Variants in HGFAC observed in about 807,000 individuals in gnomAD.
The protein encoded by HGFAC is HGF activator.
Under a neutral mutation model 70.6 loss-of-function variants are expected in HGFAC, and 76 were observed. That is an observed-to-expected ratio of 1.08 (90% CI 0.89 to 1.30). HGFAC has a LOEUF of 1.30. Among genes scored for constraint, HGFAC ranks in the 50% most tolerant of loss-of-function variants. HGFAC has a pLI of 0.00. For synonymous variants in HGFAC, 464 were observed against 405.3 expected (o/e 1.14, Z -1.74); for missense variants, 1,044 against 933.7 (o/e 1.12, Z -1.54).
At position 3,449,311 on chromosome 4, in the gene HGFAC, C is replaced by T. The variant is rs375003774; in HGVS notation, c.1860C>T (p.Asp620=). ...AYLYGIISWG[D]GCGRLHKPGV... ...TCTACGGCATCATCAGCTGGGGTGA[C>T]GGCTGCGGGCGGCTCCACAAGCCGG... The change falls in exon 14 of 14, where the codon GAC becomes GAT. Residue 620 remains aspartate, a synonymous_variant. Coordinates refer to ENST00000382774, the MANE Select transcript of HGFAC (RefSeq NM_001528.4). 160 of 1,612,270 alleles carry T rather than the reference C, an allele frequency of 9.9e-5. No individual in the cohort carries two copies. The East Asian group carries it at 1.2e-3, about 12-fold the overall frequency.
chr4:3,443,321 A>G lies in HGFAC; in HGVS notation c.396-20A>G. On this transcript the variant is annotated intron_variant, in intron 3 of 13. Coordinates refer to ENST00000382774, the MANE Select transcript of HGFAC (RefSeq NM_001528.4). ...GGGCCTCTGCCTGGGACCCCCATGC[A>G]CGCAGGTGTCGCCCCCCAGGTGTGC... 1 of 1,539,536 alleles carries G rather than the reference A, an allele frequency of 6.5e-7. No individual in the cohort carries two copies. Among genetic ancestry groups the G allele is most frequent in the Non-Finnish European group, 8.8e-7 (1 of 1,140,978 alleles).
Position 3,445,337 on chromosome 4 carries a change from C to T in HGFAC, c.1089C>T (p.Arg363=), listed in dbSNP as rs755056601. The part of the protein sequence containing the change: ...KDSALSWEYC[R]LEACESLTRV... ...GCGCGCTCTCCTGGGAGTACTGCCG[C>T]CTGGAGGCCTGCGGTGCGCGGCTGG... is the stretch of plus-strand genomic sequence containing the variant. Residue 363 remains arginine (R), a synonymous_variant, in exon 9 of 14, where the codon CGC becomes CGT. Transcript: ENST00000382774. 6.3e-7 allele frequency: 1 copy of T among 1,578,298 alleles called. No homozygotes were observed. Among genetic ancestry groups the T allele is most frequent in the Non-Finnish European group, 8.6e-7 (1 of 1,163,032 alleles).
chr4:3,445,249 C>T lies in HGFAC; in HGVS notation c.1017-16C>T, dbSNP rs780289316. On this transcript the variant is annotated splice_polypyrimidine_tract_variant and intron_variant, in intron 8 of 13. Coordinates refer to ENST00000382774, the MANE Select transcript of HGFAC (RefSeq NM_001528.4). The stretch of plus-strand genomic sequence containing the variant: ...GGCAGTGTGACTCCCTGCCAGCCCC[C>T]ACTTATGCACCGCAGGAATCCGGAC... The T allele has an allele frequency of 1.3e-6, 2 of 1,555,492 alleles. No homozygotes were observed. The highest frequency in any genetic ancestry group is 1.9e-5 in the Admixed American group (1 of 52,716).
At position 3,446,174 on chromosome 4, in the gene HGFAC, C is replaced by G. The variant is rs774402802; in HGVS notation, c.1235C>G (p.Ser412Cys). ...TFLRPRIIGG[S>C]SSLPGSHPWL... ...CTGCGGCCACGTATCATCGGCGGCT[C>G]CTCCTCGCTGCCCGGCTCGCACCCC... The change falls in exon 10 of 14, where the codon TCC becomes TGC. Residue 412 changes from serine (S) to cysteine (C), a missense_variant. By Grantham distance (112) the Ser-to-Cys change is moderately radical. Transcript: ENST00000382774. 1.2e-6 allele frequency: 2 copies of G among 1,610,784 alleles called. No individual in the cohort carries two copies. Among genetic ancestry groups the G allele is most frequent in the African/African-American group, 2.7e-5 (2 of 74,888 alleles).
Position 3,446,538 on chromosome 4 carries a change from C to T in HGFAC, c.1355+244C>T, listed in dbSNP as rs531809051. On this transcript the variant is annotated intron_variant, in intron 10 of 13. Coordinates refer to ENST00000382774, the MANE Select transcript of HGFAC (RefSeq NM_001528.4). ...AGGCCAGGGGTCAGTGGCATTTCCACAGAGGACCCAGCGCCTGCGGAGAGT... is the reference window on the plus strand; with the variant it reads ...AGGCCAGGGGTCAGTGGCATTTCCATAGAGGACCCAGCGCCTGCGGAGAGT... Among the ~76,000 whole-genome samples, 12 of 152,264 alleles carry T rather than the reference C, an allele frequency of 7.9e-5. 1 individual carries two copies. Among genetic ancestry groups the T allele is most frequent in the Middle Eastern group, 6.8e-3 (2 of 294 alleles).
In HGFAC at chr4:3,444,943, C is replaced by A; in HGVS notation, c.966C>A (p.Asp322Glu). The A allele has an allele frequency of 6.2e-7, 1 of 1,608,796 alleles. No homozygotes were observed. ...SDLLYQELHVDSVGAAALLGL... is the reference protein window; with the variant it reads ...SDLLYQELHVESVGAAALLGL... ...TGCTCTACCAGGAGCTGCACGTGGACTCCGTGGGCGCCGCGGCCCTGCTGG... is the reference window on the plus strand; with the variant it reads ...TGCTCTACCAGGAGCTGCACGTGGAATCCGTGGGCGCCGCGGCCCTGCTGG... The change falls in exon 8 of 14, where the codon GAC (aspartate) becomes GAA (glutamate). Residue 322 changes from aspartate (D) to glutamate (E), a missense_variant. Coordinates refer to ENST00000382774, the MANE Select transcript of HGFAC (RefSeq NM_001528.4).
chr4:3,443,004 G>T, intron 2 of HGFAC, 46 bp from the exon 3 acceptor site: 1 of 1,529,536 alleles, frequency 6.5e-7, no homozygotes, highest in Non-Finnish European at 8.9e-7. Flanking sequence ...TGAGGGGCTC[G>T]GGTGCCCCTC....
rs1375914938 is a variant in HGFAC at position 3,447,572 on chromosome 4, T to A, written c.1436T>A (p.Ile479Asn). The change falls in exon 11 of 14, where the codon ATC becomes AAC. Residue 479 changes from isoleucine (I) to asparagine (N), a missense_variant. By Grantham distance (149) the Ile-to-Asn change is moderately radical. Coordinates refer to ENST00000382774, the MANE Select transcript of HGFAC (RefSeq NM_001528.4). ...ACGGACGTGACGCAGACCTTCGGCA[T>A]CGAGAAGTACATCCCGTACACCCTG... ...RTTDVTQTFG[I>N]EKYIPYTLYS... 6.2e-7 allele frequency: 1 copy of A among 1,612,670 alleles called. No individual in the cohort carries two copies. Among genetic ancestry groups the A allele is most frequent in the Non-Finnish European group, 8.5e-7 (1 of 1,179,908 alleles).
In HGFAC at chr4:3,442,774, G is replaced by A; in HGVS notation, c.160G>A (p.Ala54Thr). 6.5e-7 allele frequency: 1 copy of A among 1,538,118 alleles called. No homozygotes were observed. Among genetic ancestry groups the A allele is most frequent in the Non-Finnish European group, 8.7e-7 (1 of 1,144,566 alleles). Residue 54 changes from alanine to threonine, a missense_variant, in exon 2 of 14, where the codon GCG (alanine) becomes ACG (threonine). Ala to Thr is a moderately conservative substitution (Grantham distance 58, BLOSUM62 0). Coordinates refer to ENST00000382774, the MANE Select transcript of HGFAC (RefSeq NM_001528.4). ...AGAACCTAATGCCACAGCGACCCCTGCGATCCCCACTATCCTGGTGACCTC... is the reference window on the plus strand; with the variant it reads ...AGAACCTAATGCCACAGCGACCCCTACGATCCCCACTATCCTGGTGACCTC... ...SPEPNATATP[A>T]IPTILVTSVT...
intron 9 of HGFAC, chr4:3,445,811 C>A: frequency 6.9e-7 from 1 of 1,453,992 alleles, no homozygotes. Context: ...ACAAAGGCCT[C>A]CGTGTGTCCA....
At chr4:3,444,240 GAGT>G in intron 5 of HGFAC, 68 bp from the exon 6 acceptor site, 2 of 1,564,122 alleles carry the variant, frequency 1.3e-6, no homozygotes, top group Non-Finnish European at 8.7e-7. Flanking sequence ...GGTGGCTCCC[GAGT>G]GCAGGGCAGG....
At chr4:3,443,197 G>A (rs1725373554) in intron 3 of HGFAC, 51 bp downstream of exon 3, 3 of 1,375,014 alleles carry the variant, frequency 2.2e-6, no homozygotes, top group Non-Finnish European at 2.9e-6. Context: ...GCCCCACGCT[G>A]CCTGCTTTTC....
intron 13 of HGFAC, 57 bp from the exon 14 acceptor site, chr4:3,449,180 G>A (rs546747367): frequency 2.3e-5 from 35 of 1,508,960 alleles, no homozygotes; most frequent in African/African-American, 1.7e-4. Flanking sequence ...TTGGGGGAGA[G>A]GGGGGTCCCT....
At chr4:3,448,297 C>A in intron 13 of HGFAC, 21 bp downstream of exon 13, 1 of 1,601,852 alleles carries the variant, frequency 6.2e-7, no homozygotes, top group South Asian at 1.1e-5. Flanking sequence ...GCCCGCCCCA[C>A]CAGGACCCGA....
chr4:3,441,767 T>C (rs1380660395), upstream of HGFAC: 5 of 452,166 alleles, frequency 1.1e-5, no homozygotes, highest in East Asian at 1.8e-4. This position sits in a 1 kb window ranked among gnomAD's most constrained non-coding sequence, Gnocchi z 6.0. Context: ...CCATGTCAGG[T>C]CTAGGACTAG....
At chr4:3,443,545 G>C in intron 4 of HGFAC, 125 bp downstream of exon 4, 2 of 565,766 alleles carry the variant, frequency 3.5e-6, no homozygotes, top group Non-Finnish European at 5.8e-6. Flanking sequence ...GAGGAGCTCT[G>C]GGATTAACCC....
At chr4:3,441,129 T>C (rs1187317452), upstream of HGFAC, among the ~76,000 whole-genome samples, 1 of 152,166 alleles carries the variant, frequency 6.6e-6, no homozygotes, top group Non-Finnish European at 1.5e-5. This position sits in a 1 kb window ranked among gnomAD's most constrained non-coding sequence, Gnocchi z 6.0. Flanking sequence ...CAGGCAGCTC[T>C]GCCCACAGCC....
chr4:3,442,080 C>T lies in HGFAC; in HGVS notation c.79C>T (p.Leu27=). 2 of 1,558,984 alleles carry T rather than the reference C, an allele frequency of 1.3e-6. No individual in the cohort carries two copies. The highest frequency in any genetic ancestry group is 8.6e-7 in the Non-Finnish European group (1 of 1,164,502). ...GPFLLLLLLL[L]LLPRGFQPQP... ...CTTCCTCCTCCTCCTCCTGCTGCTG[C>T]TGCTGCTGCCACGGGGGTTCCAGCC... The change falls in exon 1 of 14, where the codon CTG becomes TTG. Residue 27 remains leucine, a synonymous_variant. Transcript: ENST00000382774.
upstream of HGFAC, among the ~76,000 whole-genome samples, chr4:3,441,178 C>T (rs990228048): frequency 6.6e-6 from 1 of 152,216 alleles, no homozygotes; most frequent in African/African-American, 2.4e-5. This position sits in a 1 kb window ranked among gnomAD's most constrained non-coding sequence, Gnocchi z 6.0. Context: ...CCATCCCAGG[C>T]CCCAGGGTAC....
Sources: gnomAD v4.1 joint callset for allele counts (sites outside exome capture counted in the v4.1 genomes callset) on GRCh38, gnomAD v4.1.1 for gene constraint, Gnocchi (gnomAD v3.1) non-coding constraint, MANE v1.5 for transcripts, NCBI Gene and HGNC (gene_info 2026-07-23, HGNC 2026-07-21) for gene names.